Variants in MXRA5 observed in about 807,000 individuals in gnomAD.
The protein encoded by MXRA5 is matrix remodeling associated 5.
In MXRA5, 41 loss-of-function variants were observed where a neutral mutation model predicts 112.5. The observed-to-expected ratio is 0.36, with a 90% confidence interval of 0.28 to 0.47. The LOEUF (loss-of-function observed/expected upper bound fraction) is 0.47, where lower values mean the gene tolerates loss of function less well. Ranked by LOEUF, MXRA5 falls within the 20% of genes least tolerant of loss-of-function variation. MXRA5 has a pLI of 0.99. For synonymous variants in MXRA5, 862 were observed against 900.8 expected (o/e 0.96, Z 0.77); for missense variants, 2,150 against 2,251.0 (o/e 0.96, Z 0.91).
chrX:3,333,729 T>C (rs754777161), intron 2 of MXRA5, among the ~76,000 whole-genome samples: 1 of 111,949 alleles, frequency 8.9e-6, no homozygotes, highest in East Asian at 2.8e-4. Flanking sequence ...CCCCGAAATA[T>C]AATGCTGCAA....
At chrX:3,315,936 C>G (rs1252743921) in intron 6 of MXRA5, among the ~76,000 whole-genome samples, 1 of 106,027 alleles carries the variant, frequency 9.4e-6, no homozygotes, top group Non-Finnish European at 1.9e-5. Flanking sequence ...ACAAGAATTT[C>G]TTGGTTCATT....
At position 3,333,184 on chromosome X, in the gene MXRA5, T is replaced by C. The variant is rs939564769; in HGVS notation, c.189-2411A>G. 5.7e-5 allele frequency among the ~76,000 whole-genome samples: 6 copies of C among 105,640 alleles called. No individual in the cohort carries two copies. The Admixed American group carries it at 6.2e-4, about 11-fold the overall frequency. 91.7% of individuals were successfully genotyped at this position (105,640 alleles called of 115,157 possible). Reference sequence around the variant, plus strand: ...TGGGTGTGATGGTGCATGCCTGTGGTCCCAGCTACTCAGGAGGCTAAGCAG... The same window carrying C: ...TGGGTGTGATGGTGCATGCCTGTGGCCCCAGCTACTCAGGAGGCTAAGCAG... On this transcript the variant is annotated intron_variant, in intron 2 of 6. Transcript: ENST00000217939.
chrX:3,312,982 G>A (rs1921010402), intron 6 of MXRA5, among the ~76,000 whole-genome samples: 1 of 112,345 alleles, frequency 8.9e-6, no homozygotes, highest in Admixed American at 9.4e-5. Context: ...GATTAACAAT[G>A]ACCATATACA....
chrX:3,327,360 C>T (rs1921538136), intron 4 of MXRA5, among the ~76,000 whole-genome samples: 3 of 111,930 alleles, frequency 2.7e-5, no homozygotes, highest in African/African-American at 9.7e-5. Flanking sequence ...TGAGACAAGG[C>T]AGCAAGCACA....
chrX:3,334,849 G>A (rs375517836), intron 2 of MXRA5, among the ~76,000 whole-genome samples: 4 of 111,466 alleles, frequency 3.6e-5, no homozygotes, highest in Non-Finnish European at 5.7e-5. Flanking sequence ...TCTTTGCTAC[G>A]TTATCTTTCC....
chrX:3,327,592 C>T (rs1391941668), intron 4 of MXRA5, among the ~76,000 whole-genome samples: 4 of 112,479 alleles, frequency 3.6e-5, no homozygotes, highest in African/African-American at 6.5e-5. Context: ...AAGGACTATG[C>T]CTCTGTAATC....
At chrX:3,346,371 C>T in intron 1 of MXRA5, 144 bp downstream of exon 1, 3 of 264,871 alleles carry the variant, frequency 1.1e-5, no homozygotes, top group Non-Finnish European at 1.6e-5. Context: ...TTCTTAGCAA[C>T]TTCAAACAGT....
chrX:3,320,524 T>C lies in MXRA5; in HGVS notation c.5161A>G (p.Arg1721Gly). Residue 1721 changes from arginine to glycine, a missense_variant, in exon 5 of 7, where the codon AGA becomes GGA. This residue lies in a region of MXRA5 where 1,485 missense variants were observed against 1,471.6 expected (regional missense o/e 1.01). Coordinates refer to ENST00000217939, the MANE Select transcript of MXRA5 (RefSeq NM_015419.4). ...RNPVGKPPSPRIPHYSNGRLP... is the reference protein window; with the variant it reads ...RNPVGKPPSPGIPHYSNGRLP... ...CTTCCATTGGAATAATGAGGAATTC[T>C]TGGACTGGGAGGCTTTCCAACTGGG... is the stretch of plus-strand genomic sequence containing the variant. 1.7e-6 allele frequency: 2 copies of C among 1,211,913 alleles called. No homozygotes were observed. The highest frequency in any genetic ancestry group is 2.2e-6 in the Non-Finnish European group (2 of 895,489).
At chrX:3,339,281 T>C (rs1345151089) in intron 2 of MXRA5, among the ~76,000 whole-genome samples, 2 of 109,671 alleles carry the variant, frequency 1.8e-5, no homozygotes, top group East Asian at 5.7e-4. Context: ...TTTTTGTTTT[T>C]TGAGATGGCG....
At chrX:3,335,628 G>A (rs1921768871) in intron 2 of MXRA5, among the ~76,000 whole-genome samples, 1 of 112,639 alleles carries the variant, frequency 8.9e-6, no homozygotes, top group African/African-American at 3.2e-5. Context: ...GAATTGTTCA[G>A]AGGTTTTTGT....
Position 3,311,591 on chromosome X carries a change from C to G in MXRA5, c.6612G>C (p.Gly2204=). 1 of 1,211,131 alleles carries G rather than the reference C, an allele frequency of 8.3e-7. No homozygotes were observed. The highest frequency in any genetic ancestry group is 1.1e-6 in the Non-Finnish European group (1 of 895,307). ...CCGTCACTGATTTCACCACCAGGGT[C>G]CCATTGGCAAACACCTTGATTCTGC... ...FDSRIKVFAN[G]TLVVKSVTDK... The change falls in exon 7 of 7, where the codon GGG becomes GGC. Residue 2204 remains glycine, a synonymous_variant. Coordinates refer to ENST00000217939, the MANE Select transcript of MXRA5 (RefSeq NM_015419.4).
At chrX:3,332,306 C>CG (rs1491241733) in intron 2 of MXRA5, among the ~76,000 whole-genome samples, 1 of 110,478 alleles carries the variant, frequency 9.1e-6, no homozygotes, top group East Asian at 2.8e-4. Flanking sequence ...AGTGCAGTGG[C>CG]CCATCTCGGC....
rs1242793863 is a variant in MXRA5 at position 3,322,778 on chromosome X, C to T, written c.2907G>A (p.Leu969=). 8.3e-7 allele frequency: 1 copy of T among 1,211,540 alleles called. No homozygotes were observed. Among genetic ancestry groups the T allele is most frequent in the Non-Finnish European group, 1.1e-6 (1 of 895,472 alleles). The part of the protein sequence containing the change: ...EYEPPLDAVS[L]AESEPMQYFD... Reference sequence around the variant, plus strand: ...AGTATTGCATGGGCTCAGACTCAGCCAAGGAGACAGCATCCAATGGAGGCT... The same window carrying T: ...AGTATTGCATGGGCTCAGACTCAGCTAAGGAGACAGCATCCAATGGAGGCT... The change falls in exon 5 of 7, where the codon TTG becomes TTA. Residue 969 remains leucine, a synonymous_variant. Transcript: ENST00000217939.
Position 3,323,834 on chromosome X carries a change from C to A in MXRA5, c.1851G>T (p.Arg617Ser). The A allele has an allele frequency of 8.3e-7, 1 of 1,211,150 alleles. No homozygotes were observed. Among genetic ancestry groups the A allele is most frequent in the Non-Finnish European group, 1.1e-6 (1 of 895,086 alleles). ...ATGTGTTAGCCAAATCATTAATTATCCTTCTGTTTGGAAGAATCCAGCTAA... is the reference window on the plus strand; with the variant it reads ...ATGTGTTAGCCAAATCATTAATTATACTTCTGTTTGGAAGAATCCAGCTAA... ...AHLSWILPNRRIINDLANTSH... is the reference protein window; with the variant it reads ...AHLSWILPNRSIINDLANTSH... The change falls in exon 5 of 7, where the codon AGG becomes AGT. Residue 617 changes from arginine to serine, a missense_variant. Physicochemically the swap from Arg to Ser is moderately radical, Grantham distance 110. Transcript: ENST00000217939.
Position 3,322,835 on chromosome X carries a change from T to A in MXRA5, c.2850A>T (p.Gly950=). The change falls in exon 5 of 7, where the codon GGA becomes GGT. Residue 950 remains glycine, a synonymous_variant. Transcript: ENST00000217939. ...ATEGWSAADV[G]SSPEPTSSEY... ...CACTGGATGTGGGCTCTGGTGACGA[T>A]CCAACATCTGCTGCAGACCAACCCT... 3 of 1,211,655 alleles carry A rather than the reference T, an allele frequency of 2.5e-6. No individual in the cohort carries two copies. Among genetic ancestry groups the A allele is most frequent in the South Asian group, 3.5e-5 (2 of 56,958 alleles).
intron 2 of MXRA5, among the ~76,000 whole-genome samples, chrX:3,332,250 C>CTTTT (rs749412827): frequency 9.5e-6 from 1 of 105,561 alleles, no homozygotes. Context: ...CATTCTTCTT[C>CTTTT]TTTTTTTTTT....
At chrX:3,330,557 C>T (rs1662681983) in intron 3 of MXRA5, 87 bp downstream of exon 3, 1 of 1,144,564 alleles carries the variant, frequency 8.7e-7, no homozygotes, top group African/African-American at 1.8e-5. Context: ...TTTTATTGAT[C>T]ATTAAGGAGA....
intron 2 of MXRA5, among the ~76,000 whole-genome samples, chrX:3,341,050 A>ATATATAT (rs1329801852): frequency 6.2e-5 from 3 of 48,606 alleles, no homozygotes; most frequent in Non-Finnish European, 1.2e-4. Flanking sequence ...ATTGTGTATA[A>ATATATAT]TATATATTAT....
In MXRA5 at chrX:3,310,892, G is replaced by T. The variant is rs1168417263; in HGVS notation, c.7311C>A (p.Val2437=). The change falls in exon 7 of 7, where the codon GTC becomes GTA. Residue 2437 remains valine, a synonymous_variant. Transcript: ENST00000217939. ...DRKTVWIHVN[V]QPPKINGNPN... ...GGTTACCGTTGATCTTGGGTGGCTG[G>T]ACGTTGACGTGAATCCACACCGTCT... The T allele has an allele frequency of 2.5e-6, 3 of 1,211,388 alleles. No individual in the cohort carries two copies. In the East Asian group the frequency reaches 8.9e-5, roughly 36 times the overall value.
Sources: gnomAD v4.1 joint callset for allele counts (sites outside exome capture counted in the v4.1 genomes callset) on GRCh38, gnomAD v4.1.1 for gene constraint, gnomAD v4.1.1 regional missense constraint, MANE v1.5 for transcripts, NCBI Gene and HGNC (gene_info 2026-07-23, HGNC 2026-07-21) for gene names.